The following PAK5 variants were observed in gnomAD, a reference collection of about 807,000 sequenced individuals.
The protein encoded by PAK5 is p21 (RAC1) activated kinase 5.
A neutral mutation model predicts 65.9 loss-of-function variants in PAK5; 16 were observed. The ratio of observed to expected loss-of-function variants is 0.24; its 90% confidence interval spans 0.16 to 0.37. PAK5 has a LOEUF of 0.37. Ranked by LOEUF, PAK5 falls within the 10% of genes least tolerant of loss-of-function variation. The pLI is 1.00. For missense variants in PAK5, 785 were observed against 903.9 expected, an observed-to-expected ratio of 0.87 and a Z score of 1.69; for synonymous variants, 371 against 354.9, an observed-to-expected ratio of 1.05 and a Z score of -0.51.
chr20:9,664,388 T>TCA (rs2123343053), intron 2 of PAK5, among the ~76,000 whole-genome samples: 2 of 152,322 alleles, frequency 1.3e-5, no homozygotes, highest in African/African-American at 4.8e-5. Context: ...AAATCAGACC[T>TCA]CAGTCAGTCC....
intron 9 of PAK5, among the ~76,000 whole-genome samples, chr20:9,541,222 C>T (rs1198338249): frequency 6.6e-6 from 1 of 152,182 alleles, no homozygotes; most frequent in Non-Finnish European, 1.5e-5. Flanking sequence ...CAGCCACACA[C>T]TCTCTTTTAT....
intron 1 of PAK5, among the ~76,000 whole-genome samples, chr20:9,733,700 C>T (rs1425565305): frequency 6.6e-6 from 1 of 152,170 alleles, no homozygotes; most frequent in Non-Finnish European, 1.5e-5. Context: ...CCGCCTCATC[C>T]TCCCAAAGTG....
chr20:9,546,515 G>A (rs913224517), intron 7 of PAK5, among the ~76,000 whole-genome samples: 4 of 152,146 alleles, frequency 2.6e-5, no homozygotes, highest in Non-Finnish European at 4.4e-5. Context: ...GATATGAGTG[G>A]TAGTGAAACC....
chr20:9,811,741 A>C (rs1395700659), intron 1 of PAK5, among the ~76,000 whole-genome samples: 1 of 152,218 alleles, frequency 6.6e-6, no homozygotes, highest in Admixed American at 6.5e-5. Flanking sequence ...TCCAAAATTT[A>C]AGAATAACAT....
chr20:9,580,594 A>G lies in PAK5; in HGVS notation c.541T>C (p.Tyr181His), dbSNP rs2123015686. The change falls in exon 4 of 10, where the codon TAC becomes CAC. Residue 181 changes from tyrosine (Y) to histidine (H), a missense_variant. Physicochemically the swap from Tyr to His is moderately conservative, Grantham distance 83 (BLOSUM62 2). Transcript: ENST00000353224. The stretch of plus-strand genomic sequence containing the variant: ...TTCAAAGGCTTCACCTCAGAATAGT[A>G]GGCCTCCCCGTGCTTCATTTTCATT... The part of the protein sequence containing the change: ...HVMKMKHGEA[Y>H]YSEVKPLKSD... 6.2e-7 allele frequency: 1 copy of G among 1,614,106 alleles called. No individual in the cohort carries two copies. Among genetic ancestry groups the G allele is most frequent in the Non-Finnish European group, 8.5e-7 (1 of 1,180,008 alleles).
intron 3 of PAK5, among the ~76,000 whole-genome samples, chr20:9,617,174 T>C (rs1326784073): frequency 6.6e-6 from 1 of 152,250 alleles, no homozygotes; most frequent in Non-Finnish European, 1.5e-5. Flanking sequence ...TTATAACTGG[T>C]AACCCTGCCA....
intron 1 of PAK5, among the ~76,000 whole-genome samples, chr20:9,714,799 A>G (rs2048122325): frequency 6.6e-6 from 1 of 152,224 alleles, no homozygotes; most frequent in Non-Finnish European, 1.5e-5. Context: ...TGGGGAAAGG[A>G]GTCCCTATTT....
Position 9,787,986 on chromosome 20 carries a change from G to C in PAK5, c.-162+50776C>G, listed in dbSNP as rs897834417. On this transcript the variant is annotated intron_variant, in intron 1 of 9. Coordinates refer to ENST00000353224, the MANE Select transcript of PAK5 (RefSeq NM_177990.4). ...CAGCCCATGTGTCTGTGTGTGTTGGGGGGGGTATGTGTGAGTACCCATATA... is the reference window on the plus strand; with the variant it reads ...CAGCCCATGTGTCTGTGTGTGTTGGCGGGGGTATGTGTGAGTACCCATATA... Among the ~76,000 whole-genome samples, 5 of 151,136 alleles carry C rather than the reference G, an allele frequency of 3.3e-5. No homozygotes were observed. The South Asian group carries it at 1.0e-3, about 32-fold the overall frequency.
intron 1 of PAK5, among the ~76,000 whole-genome samples, chr20:9,821,204 A>T (rs1272800326): frequency 6.6e-6 from 1 of 152,078 alleles, no homozygotes; most frequent in East Asian, 1.9e-4. Flanking sequence ...AACATGGTGA[A>T]ACCCCATCTC....
At chr20:9,674,452 C>A (rs1349562421) in intron 2 of PAK5, among the ~76,000 whole-genome samples, 7 of 152,190 alleles carry the variant, frequency 4.6e-5, no homozygotes, top group Non-Finnish European at 4.4e-5. Context: ...TTATATGTTT[C>A]CCTCTGAGGT....
intron 2 of PAK5, among the ~76,000 whole-genome samples, chr20:9,706,466 A>G (rs1600267309): frequency 7.5e-6 from 1 of 133,862 alleles, no homozygotes; most frequent in South Asian, 2.6e-4. Flanking sequence ...CACATTCTAC[A>G]AACTCTTTTT....
At chr20:9,590,729 GTC>G (rs1479283170) in intron 3 of PAK5, among the ~76,000 whole-genome samples, 3 of 152,222 alleles carry the variant, frequency 2.0e-5, no homozygotes, top group African/African-American at 7.2e-5. Context: ...CTGCAGTTCT[GTC>G]ACAGAGGAGG....
intron 4 of PAK5, among the ~76,000 whole-genome samples, chr20:9,567,427 G>A (rs995070846): frequency 3.9e-5 from 6 of 152,216 alleles, no homozygotes; most frequent in East Asian, 1.9e-4. Context: ...CAAGCTACAC[G>A]TGCCTATTTA....
At chr20:9,665,085 G>GTTTTTTTTTGTTT (rs1555910637) in intron 2 of PAK5, among the ~76,000 whole-genome samples, 9 of 98,920 alleles carry the variant, frequency 9.1e-5, no homozygotes, top group Non-Finnish European at 1.3e-4. Flanking sequence ...AAATTTTTCT[G>GTTTTTTTTTGTTT]TTTTTTTTTT....
chr20:9,748,544 A>G (rs2048535886), intron 1 of PAK5, among the ~76,000 whole-genome samples: 1 of 152,128 alleles, frequency 6.6e-6, no homozygotes, highest in Non-Finnish European at 1.5e-5. Flanking sequence ...CATATCTACA[A>G]CTATCTGATC....
At chr20:9,792,256 A>G (rs6141035) in intron 1 of PAK5, among the ~76,000 whole-genome samples, 67,368 of 152,056 alleles carry the variant, frequency 0.44, 15,322 homozygotes, top group Admixed American at 0.51. Flanking sequence ...CCAAGTAACC[A>G]TCTCTCACTA....
Position 9,548,379 on chromosome 20 carries a change from T to A in PAK5, c.1744-3885A>T, listed in dbSNP as rs558014889. Among the ~76,000 whole-genome samples, 852 of 151,580 alleles carry A rather than the reference T, an allele frequency of 5.6e-3. 5 individuals carry two copies. Among genetic ancestry groups the A allele is most frequent in the Non-Finnish European group, 9.0e-3 (610 of 67,894 alleles). On this transcript the variant is annotated intron_variant, in intron 7 of 9. Coordinates refer to ENST00000353224, the MANE Select transcript of PAK5 (RefSeq NM_177990.4). ...ACGTTGATCACTCTCTTTTTTTTTT[T>A]AATTTATTATTATTATACTTTAAGT...
In PAK5 at chr20:9,608,820, T is replaced by C. The variant is rs373649604; in HGVS notation, c.205-27890A>G. ...TTCTACTGTGTTCTATTATCAGCAG[T>C]AGATTGGCCCTGACAGCCCTAATAA... On this transcript the variant is annotated intron_variant, in intron 3 of 9. Transcript: ENST00000353224. Among the ~76,000 whole-genome samples, 26 of 152,342 alleles carry C rather than the reference T, an allele frequency of 1.7e-4. No homozygotes were observed. In the East Asian group the frequency reaches 5.0e-3, roughly 29 times the overall value.
intron 1 of PAK5, among the ~76,000 whole-genome samples, chr20:9,837,701 A>G (rs1213458570): frequency 6.6e-6 from 1 of 152,152 alleles, no homozygotes; most frequent in East Asian, 1.9e-4. Context: ...GCACTAGAAG[A>G]TTTTTGTGAG....
Sources: gnomAD v4.1 joint callset for allele counts (sites outside exome capture counted in the v4.1 genomes callset) on GRCh38, gnomAD v4.1.1 for gene constraint, MANE v1.5 for transcripts, NCBI Gene and HGNC (gene_info 2026-07-23, HGNC 2026-07-21) for gene names.